Variants in KCNIP4 observed in about 807,000 individuals in gnomAD.
The protein encoded by KCNIP4 is Kv channel-interacting protein 4.
KCNIP4 carries 12 observed loss-of-function variants against 34.0 expected under a neutral mutation model. The observed-to-expected ratio is 0.35, with a 90% CI of 0.23 to 0.57. KCNIP4 has a LOEUF of 0.57. KCNIP4 is among the 20% of genes least tolerant of loss of function. The probability of loss-of-function intolerance (pLI) is 0.83; values close to 1 mark genes in which losing one functional copy is unlikely to be tolerated. For synonymous variants in KCNIP4, 124 were observed against 102.2 expected, an observed-to-expected ratio of 1.21 and a Z score of -1.29; for missense variants, 238 against 311.7, an observed-to-expected ratio of 0.76 and a Z score of 1.78.
chr4:20,985,529 T>C (rs549141195), intron 1 of KCNIP4, among the ~76,000 whole-genome samples: 1 of 152,244 alleles, frequency 6.6e-6, no homozygotes, highest in South Asian at 2.1e-4. Flanking sequence ...GCAGTGGGCA[T>C]AGTGACTGGA....
chr4:21,423,928 C>T (rs1295873874), intron 1 of KCNIP4, among the ~76,000 whole-genome samples: 1 of 151,938 alleles, frequency 6.6e-6, no homozygotes, highest in Non-Finnish European at 1.5e-5. Context: ...CTGCCTCAGC[C>T]TCCTGAGTAG....
intron 1 of KCNIP4, among the ~76,000 whole-genome samples, chr4:21,409,138 G>C (rs1400085493): frequency 3.3e-5 from 5 of 149,254 alleles, no homozygotes; most frequent in African/African-American, 1.2e-4. Context: ...ACAGGGTCTT[G>C]CTCTGTCACT....
At chr4:20,739,965 A>G (rs1376795526) in intron 5 of KCNIP4, among the ~76,000 whole-genome samples, 1 of 152,180 alleles carries the variant, frequency 6.6e-6, no homozygotes, top group Non-Finnish European at 1.5e-5. Flanking sequence ...TTCAGTAGCC[A>G]TTTTGATCAA....
chr4:21,303,848 T>G, intron 1 of KCNIP4: 1 of 1,613,942 alleles, frequency 6.2e-7, no homozygotes, highest in East Asian at 2.2e-5. Flanking sequence ...TTCCAATAAT[T>G]TAACAAAAAG....
intron 1 of KCNIP4, among the ~76,000 whole-genome samples, chr4:21,766,756 A>C (rs1718446034): frequency 6.6e-6 from 1 of 152,148 alleles, no homozygotes; most frequent in African/African-American, 2.4e-5. Flanking sequence ...TCTTAACAAT[A>C]AACTTATTTC....
intron 3 of KCNIP4, among the ~76,000 whole-genome samples, chr4:20,792,746 T>C (rs55728547): frequency 0.098 from 14,891 of 152,150 alleles, 896 homozygotes; most frequent in Admixed American, 0.15. Context: ...ATAATATAGA[T>C]TAAACATATA....
chr4:21,349,628 A>G (rs967581198), intron 1 of KCNIP4, among the ~76,000 whole-genome samples: 1 of 151,962 alleles, frequency 6.6e-6, no homozygotes, highest in African/African-American at 2.4e-5. Flanking sequence ...GATTCCCACC[A>G]GTGACTAGTT....
At chr4:21,121,116 C>A (rs1428434675) in intron 1 of KCNIP4, among the ~76,000 whole-genome samples, 1 of 152,176 alleles carries the variant, frequency 6.6e-6, no homozygotes, top group East Asian at 1.9e-4. Flanking sequence ...CCCCAATTCT[C>A]CAGCAAAACC....
chr4:20,755,057 CATT>C (rs749099759), intron 4 of KCNIP4, among the ~76,000 whole-genome samples: 18 of 152,084 alleles, frequency 1.2e-4, no homozygotes, highest in Non-Finnish European at 1.9e-4. Context: ...ACAGTGAACT[CATT>C]ATAATCCTGG....
At chr4:21,188,067 A>G (rs1755370727) in intron 1 of KCNIP4, among the ~76,000 whole-genome samples, 2 of 152,362 alleles carry the variant, frequency 1.3e-5, no homozygotes, top group Non-Finnish European at 2.9e-5. Flanking sequence ...CATGTAGCAC[A>G]TAGTCAACAG....
At chr4:21,676,935 T>C (rs1427706927) in intron 1 of KCNIP4, among the ~76,000 whole-genome samples, 1 of 151,420 alleles carries the variant, frequency 6.6e-6, no homozygotes, top group African/African-American at 2.4e-5. Context: ...CTAAGAGTTA[T>C]AACTGAGATT....
In KCNIP4 at chr4:21,757,155, G is replaced by T. The variant is rs898462622; in HGVS notation, c.61+191416C>A. ...AGAAAGAAAGAAAGAAAGAAAGAAA[G>T]AAAGAAAGAAAGAAGGAAGGAAGGA... is the stretch of plus-strand genomic sequence containing the variant. On this transcript the variant is annotated intron_variant, in intron 1 of 8. Transcript: ENST00000382152. Among the ~76,000 whole-genome samples the T allele has an allele frequency of 9.3e-4, 30 of 32,234 alleles. No homozygotes were observed. The East Asian group carries it at 0.011, about 12-fold the overall frequency. 21.1% of individuals were successfully genotyped at this position (32,234 alleles called of 152,430 possible). A position where few individuals can be genotyped will look rare whatever the true frequency, so the allele number is the denominator to read the frequency against.
At chr4:21,854,869 A>G (rs1168052083) in intron 1 of KCNIP4, among the ~76,000 whole-genome samples, 1 of 152,174 alleles carries the variant, frequency 6.6e-6, no homozygotes, top group Non-Finnish European at 1.5e-5. Context: ...CATTTCTATT[A>G]GATACTTAAA....
Position 20,937,747 on chromosome 4 carries a change from G to A in KCNIP4, c.62-55038C>T, listed in dbSNP as rs192068730. On this transcript the variant is annotated intron_variant, in intron 1 of 8. Coordinates refer to ENST00000382152, the MANE Select transcript of KCNIP4 (RefSeq NM_025221.6). ...GTAAAAATTAGAGTCTGCTTTGGATGAAGCTACCTCTTCCACACTCGGTCA... is the reference window on the plus strand; with the variant it reads ...GTAAAAATTAGAGTCTGCTTTGGATAAAGCTACCTCTTCCACACTCGGTCA... 2.0e-3 allele frequency among the ~76,000 whole-genome samples: 307 copies of A among 152,114 alleles called. 1 individual carries two copies. The highest frequency in any genetic ancestry group is 7.1e-3 in the African/African-American group (294 of 41,408).
chr4:20,954,523 T>G (rs1356348522), intron 1 of KCNIP4, among the ~76,000 whole-genome samples: 3 of 152,214 alleles, frequency 2.0e-5, no homozygotes, highest in Non-Finnish European at 4.4e-5. Context: ...ATAATCATCA[T>G]GATAATGTAA....
At chr4:21,323,965 A>G (rs1203449732) in intron 1 of KCNIP4, among the ~76,000 whole-genome samples, 1 of 151,990 alleles carries the variant, frequency 6.6e-6, no homozygotes, top group African/African-American at 2.4e-5. Context: ...AAAATATCTC[A>G]TTGTAGTTTT....
chr4:20,895,623 C>T (rs990423034), intron 1 of KCNIP4, among the ~76,000 whole-genome samples: 1 of 152,144 alleles, frequency 6.6e-6, no homozygotes. Context: ...TATTTATATT[C>T]AATAAAAGTC....
intron 1 of KCNIP4, among the ~76,000 whole-genome samples, chr4:21,185,814 G>A (rs1344266523): frequency 6.6e-6 from 1 of 152,050 alleles, no homozygotes; most frequent in Non-Finnish European, 1.5e-5. Flanking sequence ...TTCACATGAG[G>A]CATCTACTGT....
At chr4:21,352,608 A>T (rs1030676036) in intron 1 of KCNIP4, among the ~76,000 whole-genome samples, 2 of 152,354 alleles carry the variant, frequency 1.3e-5, no homozygotes, top group Middle Eastern at 3.4e-3. Flanking sequence ...TTGAGCAGGT[A>T]AACAAAGCAG....
Sources: allele counts gnomAD v4.1 joint callset (sites outside exome capture counted in the v4.1 genomes callset), GRCh38; gene constraint gnomAD v4.1.1; transcripts MANE v1.5; gene names NCBI Gene and HGNC (gene_info 2026-07-23, HGNC 2026-07-21).